PCDHA12: variants seen among roughly 807,000 people sequenced by gnomAD.
PCDHA12 encodes the protein protocadherin alpha-12.
In PCDHA12, 44 loss-of-function variants were observed where a neutral mutation model predicts 60.0. The observed-to-expected ratio is 0.73, with a 90% CI of 0.58 to 0.94. PCDHA12 has a LOEUF of 0.94. PCDHA12 is among the 40% of genes least tolerant of loss of function. The probability of loss-of-function intolerance (pLI) is 0.00; values close to 1 mark genes in which losing one functional copy is unlikely to be tolerated. For synonymous variants in PCDHA12, 569 were observed against 553.0 expected (o/e 1.03, Z -0.40); for missense variants, 1,276 against 1,239.7 (o/e 1.03, Z -0.44).
intron 3 of PCDHA12, among the ~76,000 whole-genome samples, chr5:140,983,909 C>G (rs2097076070): frequency 6.6e-6 from 1 of 152,226 alleles, no homozygotes. Flanking sequence ...TGATTCTAAT[C>G]AGCCAGGATT....
At chr5:140,882,259 G>A (rs1554173247) in intron 1 of PCDHA12, 1 of 1,603,126 alleles carries the variant, frequency 6.2e-7, no homozygotes, top group Non-Finnish European at 8.5e-7. Flanking sequence ...TGAGGTTTTT[G>A]GAGTGTACCA....
At chr5:140,879,303 G>A (rs2057936117) in intron 1 of PCDHA12, among the ~76,000 whole-genome samples, 1 of 152,184 alleles carries the variant, frequency 6.6e-6, no homozygotes. Flanking sequence ...AAAAACAAAA[G>A]TAGAAGTTGA....
In PCDHA12 at chr5:141,011,583, A is replaced by G. The variant is rs2098421115; in HGVS notation, c.*1646A>G. On this transcript the variant is annotated 3_prime_UTR_variant, in exon 4 of 4. Transcript: ENST00000398631. ...AGTAAAATTTCTTTCTTAAATCAAG[A>G]TACTGGTGATTCAAGGAATTTTATT... is the stretch of plus-strand genomic sequence containing the variant. 1 of 153,656 alleles carries G rather than the reference A, an allele frequency of 6.5e-6. No individual in the cohort carries two copies. Among genetic ancestry groups the G allele is most frequent in the Admixed American group, 6.6e-5 (1 of 15,258 alleles). The allele number at this position is 153,656 out of a possible 1,614,324, so 9.5% of individuals were successfully genotyped here.
intron 1 of PCDHA12, among the ~76,000 whole-genome samples, chr5:140,880,929 A>T (rs2058535682): frequency 6.6e-6 from 1 of 152,232 alleles, no homozygotes; most frequent in African/African-American, 2.4e-5. Flanking sequence ...TATGTTAGTA[A>T]AAGTAATGGA....
chr5:140,984,861 C>A (rs1163314869), intron 3 of PCDHA12, among the ~76,000 whole-genome samples: 1 of 151,870 alleles, frequency 6.6e-6, no homozygotes, highest in Non-Finnish European at 1.5e-5. Flanking sequence ...ATAATAACAC[C>A]TATTTTATTG....
chr5:141,010,255 C>T lies in PCDHA12; in HGVS notation c.*318C>T. The T allele has an allele frequency of 6.4e-7, 1 of 1,551,816 alleles. No homozygotes were observed. Among genetic ancestry groups the T allele is most frequent in the Non-Finnish European group, 8.7e-7 (1 of 1,147,020 alleles). ...CCAGTGAGAGGTTGGACTCTCTGCC[C>T]TGTGCTCCGGGGATCCTGTCTTGAT... is the stretch of plus-strand genomic sequence containing the variant. On this transcript the variant is annotated 3_prime_UTR_variant, in exon 4 of 4. Coordinates refer to ENST00000398631, the MANE Select transcript of PCDHA12 (RefSeq NM_018903.4).
intron 3 of PCDHA12, among the ~76,000 whole-genome samples, chr5:140,984,886 C>A (rs1254649508): frequency 1.3e-5 from 2 of 151,720 alleles, no homozygotes; most frequent in Non-Finnish European, 2.9e-5. Context: ...ACCATGAGAA[C>A]TAAAGGAGAA....
At chr5:140,941,220 TTTC>T (rs2092903024) in intron 1 of PCDHA12, among the ~76,000 whole-genome samples, 1 of 131,326 alleles carries the variant, frequency 7.6e-6, no homozygotes, top group Non-Finnish European at 1.6e-5. Flanking sequence ...TCTTCCTTTC[TTTC>T]TTTCTTTCTT....
chr5:140,966,260 A>C, intron 1 of PCDHA12: 1 of 339,990 alleles, frequency 2.9e-6, no homozygotes, highest in Admixed American at 4.8e-5. Context: ...GACGGTGGAG[A>C]CTGGATGAAC....
At position 140,928,355 on chromosome 5, in the gene PCDHA12, T is replaced by C. The variant is rs368876306; in HGVS notation, c.2367+50516T>C. On this transcript the variant is annotated intron_variant, in intron 1 of 3. Coordinates refer to ENST00000398631, the MANE Select transcript of PCDHA12 (RefSeq NM_018903.4). ...GTCTCTTATGAGCTGTTGGATGTTA[T>C]CTCTGAAGGGCCATCAGCCTCTAGC... 8.1e-6 allele frequency: 13 copies of C among 1,614,062 alleles called. No individual in the cohort carries two copies. The African/African-American group carries it at 1.6e-4, about 20-fold the overall frequency.
At position 140,978,933 on chromosome 5, in the gene PCDHA12, C is replaced by CT. The variant is rs1179085898; in HGVS notation, c.2368-13dup. The stretch of plus-strand genomic sequence containing the variant: ...TCTTGTCATTTTAACAGAAAACTCT[C>CT]TTTGTGATTTTGCAGCCACGACAGC... On this transcript the variant is annotated splice_polypyrimidine_tract_variant and intron_variant, in intron 1 of 3. Coordinates refer to ENST00000398631, the MANE Select transcript of PCDHA12 (RefSeq NM_018903.4). 8 of 1,613,976 alleles carry CT rather than the reference C, an allele frequency of 5.0e-6. No homozygotes were observed. The highest frequency in any genetic ancestry group is 1.7e-5 in the Admixed American group (1 of 59,984).
chr5:141,009,407 G>T (rs990895210), intron 3 of PCDHA12, among the ~76,000 whole-genome samples: 2 of 152,184 alleles, frequency 1.3e-5, no homozygotes, highest in Admixed American at 6.5e-5. Flanking sequence ...TGCAGTGACT[G>T]CATTTCAGCC....
At chr5:140,944,028 A>T (rs1341498532) in intron 1 of PCDHA12, among the ~76,000 whole-genome samples, 1 of 152,222 alleles carries the variant, frequency 6.6e-6, no homozygotes, top group African/African-American at 2.4e-5. Context: ...TATCTTCAAA[A>T]TATGGAAAAC....
In PCDHA12 at chr5:140,949,530, A is replaced by G. The variant is rs535959568; in HGVS notation, c.2368-29419A>G. Among the ~76,000 whole-genome samples, 8 of 151,972 alleles carry G rather than the reference A, an allele frequency of 5.3e-5. No homozygotes were observed. The South Asian group carries it at 1.7e-3, about 31-fold the overall frequency. On this transcript the variant is annotated intron_variant, in intron 1 of 3. Coordinates refer to ENST00000398631, the MANE Select transcript of PCDHA12 (RefSeq NM_018903.4). ...GATTTATTGATCCTTTTATCTTCATAAAATATCGATTTGTTGCTGGTCATA... is the reference window on the plus strand; with the variant it reads ...GATTTATTGATCCTTTTATCTTCATGAAATATCGATTTGTTGCTGGTCATA...
intron 3 of PCDHA12, among the ~76,000 whole-genome samples, chr5:141,002,223 T>C (rs2098066619): frequency 6.6e-6 from 1 of 151,974 alleles, no homozygotes. Flanking sequence ...AAATGATGGG[T>C]TTTCTGGAAG....
At chr5:140,994,485 C>T (rs573689251) in intron 3 of PCDHA12, among the ~76,000 whole-genome samples, 2 of 152,146 alleles carry the variant, frequency 1.3e-5, no homozygotes, top group South Asian at 2.1e-4. Flanking sequence ...GGTGGATTGC[C>T]TGAACCCAGG....
In PCDHA12 at chr5:140,982,645, G is replaced by A. The variant is rs2096993238; in HGVS notation, c.2515+82G>A. 3.3e-6 allele frequency: 5 copies of A among 1,522,444 alleles called. No homozygotes were observed. In the East Asian group the frequency reaches 1.2e-4, roughly 36 times the overall value. 94.3% of individuals were successfully genotyped at this position (1,522,444 alleles called of 1,614,324 possible). A position where few individuals can be genotyped will look rare whatever the true frequency, so the allele number is the denominator to read the frequency against. On this transcript the variant is annotated intron_variant, in intron 3 of 3. Transcript: ENST00000398631. ...CTACTTTTGTAAGATCAGGAATGTT[G>A]ATGGCTCTTTTTCTTTTATATTTTT...
Position 141,009,722 on chromosome 5 carries a change from G to A in PCDHA12, c.2611G>A (p.Gly871Ser), listed in dbSNP as rs552954748. ...KYGPGNPKQSGPGELPDKFII... is the reference protein window; with the variant it reads ...KYGPGNPKQSSPGELPDKFII... ...CGGACCAGGCAACCCCAAACAATCC[G>A]GTCCCGGTGAGTTGCCCGACAAATT... The change falls in exon 4 of 4, where the codon GGT (glycine) becomes AGT (serine). Residue 871 changes from glycine (G) to serine (S), a missense_variant. Gly to Ser is a moderately conservative substitution (Grantham distance 56). Transcript: ENST00000398631. 5.2e-5 allele frequency: 84 copies of A among 1,614,140 alleles called. No homozygotes were observed. The South Asian group carries it at 6.7e-4, about 13-fold the overall frequency.
chr5:140,998,228 T>G (rs528236708), intron 3 of PCDHA12, among the ~76,000 whole-genome samples: 1 of 152,288 alleles, frequency 6.6e-6, no homozygotes, highest in East Asian at 1.9e-4. Flanking sequence ...ACCCAGAAAT[T>G]TGTGCATTAT....
Sources: gnomAD v4.1 joint callset for allele counts (sites outside exome capture counted in the v4.1 genomes callset) on GRCh38, gnomAD v4.1.1 for gene constraint, MANE v1.5 for transcripts, NCBI Gene and HGNC (gene_info 2026-07-23, HGNC 2026-07-21) for gene names.